Variants in SLC36A1 observed in about 807,000 individuals in gnomAD.
The protein encoded by SLC36A1 is proton-coupled amino acid transporter 1.
Under a neutral mutation model 47.5 loss-of-function variants are expected in SLC36A1, and 30 were observed. The observed-to-expected ratio is 0.63, with a 90% CI of 0.47 to 0.86. The LOEUF is 0.86. Ranked by LOEUF, SLC36A1 falls within the 40% of genes least tolerant of loss-of-function variation. The probability of loss-of-function intolerance (pLI) is 0.00; values close to 1 mark genes in which losing one functional copy is unlikely to be tolerated. For missense variants in SLC36A1, 517 were observed against 606.0 expected, an observed-to-expected ratio of 0.85 and a Z score of 1.54; for synonymous variants, 255 against 249.7, an observed-to-expected ratio of 1.02 and a Z score of -0.20.
chr5:151,352,140 A>G, the SLC36A1 span, among the ~76,000 whole-genome samples: 1 of 151,922 alleles, frequency 6.6e-6, no homozygotes, highest in African/African-American at 2.4e-5. Context: ...TTAGGTCAAG[A>G]TTTTTCTGCT....
At chr5:151,456,298 T>C (rs1754493012) in intron 1 of SLC36A1, among the ~76,000 whole-genome samples, 1 of 152,182 alleles carries the variant, frequency 6.6e-6, no homozygotes, top group Non-Finnish European at 1.5e-5. Context: ...TGTGAGACAC[T>C]GCACTCAGCT....
chr5:151,381,079 G>T, the SLC36A1 span: 1 of 466,600 alleles, frequency 2.1e-6, no homozygotes, highest in Non-Finnish European at 4.1e-6. Flanking sequence ...TGAGGCACCA[G>T]CCACACGACC....
chr5:151,503,309 G>A, the SLC36A1 span, among the ~76,000 whole-genome samples: 1 of 148,034 alleles, frequency 6.8e-6, no homozygotes, highest in East Asian at 1.9e-4. Flanking sequence ...AATGAGGGAG[G>A]CTATGTATGG....
At chr5:151,466,018 TA>T (rs1756314776) in intron 5 of SLC36A1, among the ~76,000 whole-genome samples, 1 of 152,116 alleles carries the variant, frequency 6.6e-6, no homozygotes, top group Admixed American at 6.5e-5. Flanking sequence ...AGAGGAAACT[TA>T]CTTTCATTCA....
At position 151,488,289 on chromosome 5, in the gene SLC36A1, G is replaced by T. The variant is rs201026491; in HGVS notation, c.*35G>T. 10 of 1,604,430 alleles carry T rather than the reference G, an allele frequency of 6.2e-6. No homozygotes were observed. In the African/African-American group the frequency reaches 1.1e-4, roughly 17 times the overall value. ...TTCGTCTCTGCAGCTGCCTACCCCT[G>T]CCCCATGTGTCCCCCGTTACCTGTC... On this transcript the variant is annotated 3_prime_UTR_variant, in exon 11 of 11. Coordinates refer to ENST00000243389, the MANE Select transcript of SLC36A1 (RefSeq NM_078483.4).
the SLC36A1 span, chr5:151,532,095 G>A: frequency 1.6e-6 from 2 of 1,275,018 alleles, no homozygotes; most frequent in East Asian, 2.4e-5. Flanking sequence ...AGCTGGCTTG[G>A]GTATATGAAG....
At chr5:151,425,988 A>ATCTATCTG in the SLC36A1 span, among the ~76,000 whole-genome samples, 3 of 151,810 alleles carry the variant, frequency 2.0e-5, no homozygotes, top group African/African-American at 4.8e-5. Flanking sequence ...CTATCTATCT[A>ATCTATCTG]TCTATCTATC....
chr5:151,361,278 G>A, the SLC36A1 span, among the ~76,000 whole-genome samples: 2 of 152,132 alleles, frequency 1.3e-5, no homozygotes, highest in Non-Finnish European at 2.9e-5. Flanking sequence ...TTTTCACAAT[G>A]ATATAATTGG....
chr5:151,346,764 A>G, the SLC36A1 span, among the ~76,000 whole-genome samples: 2 of 152,144 alleles, frequency 1.3e-5, no homozygotes, highest in East Asian at 3.9e-4. Context: ...CTCCCTGGAA[A>G]GTGGAAAAAA....
At chr5:151,432,406 C>T (rs186977932), upstream of SLC36A1, among the ~76,000 whole-genome samples, 4 of 152,202 alleles carry the variant, frequency 2.6e-5, no homozygotes, top group Admixed American at 2.0e-4. Context: ...GGTGGCTCCC[C>T]GTGAGGTCAC....
chr5:151,350,284 G>A, the SLC36A1 span, among the ~76,000 whole-genome samples: 1 of 152,166 alleles, frequency 6.6e-6, no homozygotes, highest in African/African-American at 2.4e-5. Flanking sequence ...TGTTACATGA[G>A]GTAGGCACTA....
At chr5:151,381,326 C>CT in the SLC36A1 span, 5 of 190,952 alleles carry the variant, frequency 2.6e-5, no homozygotes, top group Non-Finnish European at 5.4e-5. Context: ...CTGAAACCGC[C>CT]TTTGTAAAAT....
chr5:151,482,883 C>T lies in SLC36A1; in HGVS notation c.1159+3394C>T, dbSNP rs184873250. On this transcript the variant is annotated intron_variant, in intron 10 of 10. Coordinates refer to ENST00000243389, the MANE Select transcript of SLC36A1 (RefSeq NM_078483.4). ...CCCGTCTCTACTAAAAATACAAAAACAAAATTAGCCTGGTGTGGTGGCAGG... is the reference window on the plus strand; with the variant it reads ...CCCGTCTCTACTAAAAATACAAAAATAAAATTAGCCTGGTGTGGTGGCAGG... Among the ~76,000 whole-genome samples, 655 of 151,864 alleles carry T rather than the reference C, an allele frequency of 4.3e-3. 7 individuals carry two copies. The highest frequency in any genetic ancestry group is 0.015 in the African/African-American group (629 of 41,424).
At chr5:151,396,135 C>CTAT in the SLC36A1 span, among the ~76,000 whole-genome samples, 768 of 149,536 alleles carry the variant, frequency 5.1e-3, 11 homozygotes, top group Admixed American at 0.024. Flanking sequence ...CTTCTTCTTA[C>CTAT]TATTATTATT....
At chr5:151,553,381 C>A in the SLC36A1 span, 1 of 1,614,086 alleles carries the variant, frequency 6.2e-7, no homozygotes, top group Non-Finnish European at 8.5e-7. Context: ...CTGTCTGTTG[C>A]CTTGATCTGA....
the SLC36A1 span, among the ~76,000 whole-genome samples, chr5:151,391,405 C>A: frequency 6.6e-6 from 1 of 152,106 alleles, no homozygotes; most frequent in Non-Finnish European, 1.5e-5. Context: ...CTTTCTCCTG[C>A]CTGATTGCCC....
the SLC36A1 span, chr5:151,378,229 A>T: frequency 2.2e-5 from 5 of 225,830 alleles, no homozygotes; most frequent in Middle Eastern, 4.8e-4. Flanking sequence ...TTGCCAATAC[A>T]TACAAAGTTC....
At chr5:151,389,490 G>T in the SLC36A1 span, among the ~76,000 whole-genome samples, 2 of 151,542 alleles carry the variant, frequency 1.3e-5, no homozygotes, top group Non-Finnish European at 2.9e-5. Context: ...ATACATGTGC[G>T]ATGTTGGTGT....
chr5:151,537,831 C>A, the SLC36A1 span: 10 of 1,613,968 alleles, frequency 6.2e-6, no homozygotes, highest in Non-Finnish European at 8.5e-6. Context: ...CGCCCCAGGG[C>A]CATGCAGAGA....
Sources: gnomAD v4.1 joint callset for allele counts (sites outside exome capture counted in the v4.1 genomes callset) on GRCh38, gnomAD v4.1.1 for gene constraint, MANE v1.5 for transcripts, NCBI Gene and HGNC (gene_info 2026-07-23, HGNC 2026-07-21) for gene names.